Variants in RPAP1 observed in about 807,000 individuals in gnomAD.
The protein encoded by RPAP1 is RNA polymerase II-associated protein 1.
Under a neutral mutation model 142.4 loss-of-function variants are expected in RPAP1, and 109 were observed. That is an observed-to-expected ratio of 0.77 (90% CI 0.66 to 0.90). The LOEUF (loss-of-function observed/expected upper bound fraction) is 0.90. RPAP1 is among the 40% of genes least tolerant of loss of function. The pLI is 0.00. For synonymous variants in RPAP1, 704 were observed against 738.9 expected, an observed-to-expected ratio of 0.95 and a Z score of 0.77; for missense variants, 1,546 against 1,751.7, an observed-to-expected ratio of 0.88 and a Z score of 2.10.
intron 6 of RPAP1, among the ~76,000 whole-genome samples, chr15:41,534,103 C>G (rs2051883489): frequency 6.8e-6 from 1 of 147,616 alleles, no homozygotes; most frequent in South Asian, 2.1e-4. Context: ...ACCTGGGCAA[C>G]AAGACCGAAA....
chr15:41,517,832 C>G lies in RPAP1; in HGVS notation c.3998G>C (p.Ser1333Thr), dbSNP rs748074005. ...SSDEVKAARR[S>T]MLQKTWLLAD... is the part of the protein sequence containing the mutation. ...CAGCAGCCATGTTTTCTGCAGCATA[C>G]TCCTGCGGGCAGCTTTGACCTCATC... Residue 1333 changes from serine (S) to threonine (T), a missense_variant, in exon 24 of 25, where the codon AGT becomes ACT. Ser to Thr is a moderately conservative substitution (Grantham distance 58). Transcript: ENST00000304330. 3 of 1,614,190 alleles carry G rather than the reference C, an allele frequency of 1.9e-6. No homozygotes were observed. The highest frequency in any genetic ancestry group is 2.2e-5 in the South Asian group (2 of 91,088).
intron 6 of RPAP1, 24 bp from the exon 7 acceptor site, chr15:41,531,226 AGT>A (rs772784005): frequency 3.1e-5 from 49 of 1,595,556 alleles, no homozygotes; most frequent in Non-Finnish European, 4.0e-5. Context: ...TAGAGGGGAG[AGT>A]GAGTGAGGGT....
At chr15:41,538,518 G>T (rs1427256412) in intron 1 of RPAP1, among the ~76,000 whole-genome samples, 1 of 11,802 alleles carries the variant, frequency 8.5e-5, no homozygotes, top group Admixed American at 1.4e-3. Context: ...GATAAAAAAG[G>T]AAAGAAAAAA....
rs756100086 is a variant in RPAP1 at position 41,527,224 on chromosome 15, A to G, written c.1689T>C (p.Leu563=). 1 of 1,614,110 alleles carries G rather than the reference A, an allele frequency of 6.2e-7. No homozygotes were observed. The highest frequency in any genetic ancestry group is 8.5e-7 in the Non-Finnish European group (1 of 1,180,018). ...EVTYPGPAVV[L]DILAVLIRLA... is the part of the protein sequence containing the mutation. ...GGCGGATGAGCACAGCCAGGATGTC[A>G]AGGACCACCGCAGGTCCTGGGTATG... Residue 563 remains leucine, a synonymous_variant, in exon 13 of 25, where the codon CTT becomes CTC. Coordinates refer to ENST00000304330, the MANE Select transcript of RPAP1 (RefSeq NM_015540.4).
intron 4 of RPAP1, 64 bp downstream of exon 4, chr15:41,536,064 AG>A: frequency 1.7e-6 from 2 of 1,196,534 alleles, no homozygotes; most frequent in Non-Finnish European, 2.5e-6. Flanking sequence ...ACCTGCCTGG[AG>A]AAGATGCACT....
intron 23 of RPAP1, 38 bp downstream of exon 23, chr15:41,517,968 G>C: frequency 6.2e-7 from 1 of 1,613,458 alleles, no homozygotes; most frequent in South Asian, 1.1e-5. Context: ...TCAATTGCTA[G>C]CTCCCTTCCT....
intron 7 of RPAP1, among the ~76,000 whole-genome samples, chr15:41,530,645 C>A (rs994298068): frequency 1.3e-5 from 2 of 152,150 alleles, no homozygotes; most frequent in African/African-American, 4.8e-5. Flanking sequence ...ATTACTCTGG[C>A]CCTGCCATCT....
chr15:41,520,250 C>T, intron 22 of RPAP1, 141 bp downstream of exon 22: 1 of 922,734 alleles, frequency 1.1e-6, no homozygotes, highest in Non-Finnish European at 1.6e-6. Context: ...AAGCCCTTTT[C>T]ATTGATTCTC....
chr15:41,522,288 C>T (rs772003178), intron 19 of RPAP1, 38 bp from the exon 20 acceptor site: 4 of 1,594,468 alleles, frequency 2.5e-6, no homozygotes, highest in Admixed American at 1.8e-5. Flanking sequence ...TAGAAATTGA[C>T]TCTCATGCCT....
intron 14 of RPAP1, among the ~76,000 whole-genome samples, chr15:41,526,680 A>C (rs2051793477): frequency 6.6e-6 from 1 of 152,212 alleles, no homozygotes; most frequent in South Asian, 2.1e-4. Flanking sequence ...CTATTACATC[A>C]TGAGACCACA....
intron 1 of RPAP1, among the ~76,000 whole-genome samples, chr15:41,542,121 G>A (rs1251157002): frequency 6.6e-6 from 1 of 152,076 alleles, no homozygotes; most frequent in African/African-American, 2.4e-5. Context: ...TGGGTTCAAG[G>A]GGCTTACTGG....
At chr15:41,521,442 A>G (rs2140758894) in intron 21 of RPAP1, among the ~76,000 whole-genome samples, 1 of 152,370 alleles carries the variant, frequency 6.6e-6, no homozygotes, top group South Asian at 2.1e-4. Context: ...ATAAATACAT[A>G]AGGGAGTATC....
intron 8 of RPAP1, 42 bp from the exon 9 acceptor site, chr15:41,529,610 C>A (rs752158796): frequency 2.2e-5 from 31 of 1,407,916 alleles, no homozygotes; most frequent in African/African-American, 1.9e-4. Context: ...GGGGCTCCAG[C>A]AACCTTCCCA....
chr15:41,523,940 G>C lies in RPAP1; in HGVS notation c.2267C>G (p.Pro756Arg). The C allele has an allele frequency of 6.2e-7, 1 of 1,611,200 alleles. No individual in the cohort carries two copies. The highest frequency in any genetic ancestry group is 8.5e-7 in the Non-Finnish European group (1 of 1,178,670). The change falls in exon 17 of 25, where the codon CCT (proline) becomes CGT (arginine). Residue 756 changes from proline (P) to arginine (R), a missense_variant. Pro to Arg is a moderately radical substitution (Grantham distance 103, BLOSUM62 -2). Transcript: ENST00000304330. Reference sequence around the variant, plus strand: ...CACCTGTGTCCAAGTGACTAAGGAAGGGGTGGCCGAGAGGCTGGCCTCAGC... The same window carrying C: ...CACCTGTGTCCAAGTGACTAAGGAACGGGTGGCCGAGAGGCTGGCCTCAGC... ...DSAEASLSATPSLVTWTQVSG... is the reference protein window; with the variant it reads ...DSAEASLSATRSLVTWTQVSG...
At chr15:41,538,866 A>C (rs1454254324) in intron 1 of RPAP1, among the ~76,000 whole-genome samples, 2 of 150,582 alleles carry the variant, frequency 1.3e-5, no homozygotes, top group African/African-American at 4.9e-5. Flanking sequence ...TATATGACTC[A>C]GAAACATTTT....
At position 41,517,423 on chromosome 15, in the gene RPAP1, C is replaced by A. The variant is rs1361590194; in HGVS notation, c.*119G>T. The A allele has an allele frequency of 3.1e-6, 3 of 965,488 alleles. No individual in the cohort carries two copies. Among genetic ancestry groups the A allele is most frequent in the Non-Finnish European group, 4.6e-6 (3 of 654,954 alleles). 59.8% of individuals were successfully genotyped at this position (965,488 alleles called of 1,614,324 possible). On this transcript the variant is annotated 3_prime_UTR_variant, in exon 25 of 25. Transcript: ENST00000304330. The stretch of plus-strand genomic sequence containing the variant: ...AACAACCTGCTCCCAGGAAGGCAAG[C>A]CTTCTGCTCCTTGGTCTCCTGCCTA...
At chr15:41,530,885 T>C in intron 7 of RPAP1, 138 bp downstream of exon 7, 1 of 828,488 alleles carries the variant, frequency 1.2e-6, no homozygotes, top group Non-Finnish European at 1.9e-6. Flanking sequence ...GAAGACTGAC[T>C]TGAAGCCAAT....
At chr15:41,521,272 C>T (rs2051723874) in intron 21 of RPAP1, 125 bp from the exon 22 acceptor site, 1 of 944,038 alleles carries the variant, frequency 1.1e-6, no homozygotes, top group Admixed American at 3.0e-5. Context: ...CCCTTAACTA[C>T]TTCCCGCGCA....
In RPAP1 at chr15:41,523,344, C is replaced by T. The variant is rs1466276801; in HGVS notation, c.2447G>A (p.Cys816Tyr). 1.9e-6 allele frequency: 3 copies of T among 1,602,386 alleles called. No homozygotes were observed. Among genetic ancestry groups the T allele is most frequent in the African/African-American group, 1.3e-5 (1 of 74,496 alleles). ...YQAWSQQPSS[C>Y]PEDWLQDMQR... ...CATGTCCTGGAGCCAATCCTCCGGG[C>T]ATGAGCTTGGCTGGTGGACCAAGGA... is the stretch of plus-strand genomic sequence containing the variant. The change falls in exon 18 of 25, where the codon TGC (cysteine) becomes TAC (tyrosine). Residue 816 changes from cysteine (C) to tyrosine (Y), a missense_variant. By Grantham distance (194) the Cys-to-Tyr change is radical (BLOSUM62 -2). Coordinates refer to ENST00000304330, the MANE Select transcript of RPAP1 (RefSeq NM_015540.4).
Sources: allele counts gnomAD v4.1 joint callset (sites outside exome capture counted in the v4.1 genomes callset), GRCh38; gene constraint gnomAD v4.1.1; transcripts MANE v1.5; gene names NCBI Gene and HGNC (gene_info 2026-07-23, HGNC 2026-07-21).